The following STXBP5L variants were observed in gnomAD, a reference collection of about 807,000 sequenced individuals.
STXBP5L encodes syntaxin binding protein 5L, also known as syntaxin-binding protein 5-like.
In STXBP5L, 65 loss-of-function variants were observed where a neutral mutation model predicts 144.5. That is an observed-to-expected ratio of 0.45 (90% CI 0.37 to 0.55). STXBP5L has a LOEUF of 0.55. STXBP5L is among the 20% of genes least tolerant of loss of function. The pLI is 0.00. For synonymous variants in STXBP5L, 505 were observed against 469.6 expected (o/e 1.08, Z -0.97); for missense variants, 1,298 against 1,405.5 (o/e 0.92, Z 1.22).
chr3:121,365,380 C>T (rs2045834094), intron 20 of STXBP5L, among the ~76,000 whole-genome samples: 1 of 149,916 alleles, frequency 6.7e-6, no homozygotes, highest in Non-Finnish European at 1.5e-5. Context: ...GTGAAGCCAA[C>T]AGGTTCAGGG....
chr3:121,223,352 A>G (rs2049029534), intron 11 of STXBP5L, among the ~76,000 whole-genome samples, 195 bp downstream of exon 11: 2 of 152,200 alleles, frequency 1.3e-5, no homozygotes, highest in African/African-American at 4.8e-5. Context: ...CAATGCTGGC[A>G]TTTCAGGTTC....
At chr3:121,316,130 T>C (rs913521215) in intron 19 of STXBP5L, among the ~76,000 whole-genome samples, 2 of 152,226 alleles carry the variant, frequency 1.3e-5, no homozygotes, top group African/African-American at 4.8e-5. Flanking sequence ...GTCCAAAAAA[T>C]GTTTATTTTT....
intron 3 of STXBP5L, among the ~76,000 whole-genome samples, chr3:121,003,421 T>C (rs146211309): frequency 0.019 from 2,925 of 152,326 alleles, 101 homozygotes; most frequent in African/African-American, 0.067. Context: ...CTTGTAATTT[T>C]GTTTGAGTTC....
chr3:121,384,696 A>T (rs1468671005), intron 22 of STXBP5L, among the ~76,000 whole-genome samples: 2 of 152,124 alleles, frequency 1.3e-5, no homozygotes, highest in African/African-American at 4.8e-5. Context: ...TTTTTTCAGT[A>T]CAAAACTTGT....
At chr3:121,151,892 T>G (rs576934272) in intron 7 of STXBP5L, among the ~76,000 whole-genome samples, 1 of 152,164 alleles carries the variant, frequency 6.6e-6, no homozygotes, top group South Asian at 2.1e-4. Context: ...TCATGATATG[T>G]TCTAAAATTC....
chr3:120,983,057 A>G (rs1202271392), intron 3 of STXBP5L, among the ~76,000 whole-genome samples: 1 of 152,148 alleles, frequency 6.6e-6, no homozygotes, highest in East Asian at 1.9e-4. Flanking sequence ...CAGCTGTGAT[A>G]CACATGTTTT....
chr3:120,991,292 CA>C (rs1426257348), intron 3 of STXBP5L, among the ~76,000 whole-genome samples: 2 of 151,638 alleles, frequency 1.3e-5, no homozygotes, highest in African/African-American at 4.8e-5. Flanking sequence ...TACCATCTCA[CA>C]CCAGTTAGAA....
At chr3:121,189,049 A>G (rs982975513) in intron 9 of STXBP5L, among the ~76,000 whole-genome samples, 1 of 152,208 alleles carries the variant, frequency 6.6e-6, no homozygotes, top group African/African-American at 2.4e-5. Context: ...TGAATTTTAT[A>G]CTTAGAAAAC....
intron 10 of STXBP5L, among the ~76,000 whole-genome samples, chr3:121,215,703 T>C (rs1020233388): frequency 6.6e-6 from 1 of 152,168 alleles, no homozygotes; most frequent in Non-Finnish European, 1.5e-5. Context: ...TCTCTAGGAG[T>C]ATCTTTATGA....
At position 121,121,658 on chromosome 3, in the gene STXBP5L, C is replaced by G; in HGVS notation, c.623C>G (p.Pro208Arg). The change falls in exon 7 of 27, where the codon CCA becomes CGA. Residue 208 changes from proline to arginine, a missense_variant. By Grantham distance (103) the Pro-to-Arg change is moderately radical. Transcript: ENST00000471454. ...TTTAACAGATCCACTAAGACTCATC[C>G]AGGTCCAGTTGTACATTTAAGCGAT... ...KAIELSTKTH[P>R]GPVVHLSDSP... 1 of 1,604,476 alleles carries G rather than the reference C, an allele frequency of 6.2e-7. No individual in the cohort carries two copies. Among genetic ancestry groups the G allele is most frequent in the Non-Finnish European group, 8.5e-7 (1 of 1,173,150 alleles).
chr3:121,027,768 C>T (rs1488810081), intron 3 of STXBP5L, among the ~76,000 whole-genome samples: 5 of 152,210 alleles, frequency 3.3e-5, no homozygotes, highest in African/African-American at 1.2e-4. Context: ...ACCTTAATTT[C>T]ACCTTGTCAT....
chr3:121,367,592 C>CTTTTTTTTTT (rs1560026606), intron 20 of STXBP5L, among the ~76,000 whole-genome samples: 1 of 59,138 alleles, frequency 1.7e-5, no homozygotes. Flanking sequence ...GTCTTCGACT[C>CTTTTTTTTTT]TTGTTTTTTT....
At chr3:121,087,942 T>C (rs1049359688) in intron 5 of STXBP5L, among the ~76,000 whole-genome samples, 25 of 152,156 alleles carry the variant, frequency 1.6e-4, no homozygotes, top group African/African-American at 4.6e-4. Context: ...GACTTTTCCT[T>C]TCTTTACTTC....
intron 10 of STXBP5L, among the ~76,000 whole-genome samples, chr3:121,213,810 C>T (rs562123762): frequency 1.3e-5 from 2 of 152,264 alleles, no homozygotes; most frequent in Non-Finnish European, 2.9e-5. Flanking sequence ...CTTTGTACCT[C>T]TGGTAGAATT....
intron 3 of STXBP5L, among the ~76,000 whole-genome samples, chr3:120,996,156 C>G (rs1943330023): frequency 6.6e-6 from 1 of 151,854 alleles, no homozygotes; most frequent in African/African-American, 2.4e-5. Context: ...GTATTTTTTT[C>G]TGGCTGCTTT....
chr3:121,418,457 G>A lies in STXBP5L; in HGVS notation c.3347G>A (p.Arg1116Gln), dbSNP rs201616269. The change falls in exon 26 of 27, where the codon CGG (arginine) becomes CAG (glutamine). Residue 1116 changes from arginine (R) to glutamine (Q), a missense_variant. Transcript: ENST00000471454. ...GTGATGGGAGAGCTGACCCGTGCACGGATTGCACTTGATGAAAGAGGACAG... is the reference window on the plus strand; with the variant it reads ...GTGATGGGAGAGCTGACCCGTGCACAGATTGCACTTGATGAAAGAGGACAG... Reference protein sequence around the residue: ...GGVMGELTRARIALDERGQRL... With the variant: ...GGVMGELTRAQIALDERGQRL... The A allele has an allele frequency of 2.3e-4, 364 of 1,613,950 alleles. No individual in the cohort carries two copies. The highest frequency in any genetic ancestry group is 2.9e-4 in the Non-Finnish European group (339 of 1,179,996).
chr3:121,125,985 G>T (rs1431082355), intron 7 of STXBP5L, among the ~76,000 whole-genome samples: 1 of 152,046 alleles, frequency 6.6e-6, no homozygotes, highest in South Asian at 2.1e-4. Flanking sequence ...GAGATTTCTT[G>T]CAAGACCATG....
chr3:121,347,680 G>T (rs535810469), intron 20 of STXBP5L, among the ~76,000 whole-genome samples: 289 of 152,148 alleles, frequency 1.9e-3, no homozygotes, highest in Non-Finnish European at 3.4e-3. Context: ...TACATCCCTT[G>T]TAAGTTGGAT....
chr3:121,389,903 T>A (rs1379966403), intron 22 of STXBP5L, among the ~76,000 whole-genome samples: 11 of 152,188 alleles, frequency 7.2e-5, no homozygotes, highest in Non-Finnish European at 1.5e-4. Context: ...CTATTACGTC[T>A]GCTTGTTGCA....
Sources: allele counts gnomAD v4.1 joint callset (sites outside exome capture counted in the v4.1 genomes callset), GRCh38; gene constraint gnomAD v4.1.1; transcripts MANE v1.5; gene names NCBI Gene and HGNC (gene_info 2026-07-23, HGNC 2026-07-21).